ARB2A: variants seen among roughly 807,000 people sequenced by gnomAD.
ARB2A encodes the protein ARB2 cotranscriptional regulator A.
the ARB2A span, among the ~76,000 whole-genome samples, chr5:93,976,773 T>C: frequency 6.6e-6 from 1 of 152,164 alleles, no homozygotes; most frequent in Non-Finnish European, 1.5e-5. Flanking sequence ...AGTGTGAGAA[T>C]GGACTACTAC....
At chr5:93,660,607 G>A in the ARB2A span, among the ~76,000 whole-genome samples, 1 of 152,140 alleles carries the variant, frequency 6.6e-6, no homozygotes, top group African/African-American at 2.4e-5. Context: ...GATTTAGCAG[G>A]AACAAGAGTG....
the ARB2A span, among the ~76,000 whole-genome samples, chr5:93,889,935 T>C: frequency 6.6e-6 from 1 of 152,046 alleles, no homozygotes; most frequent in South Asian, 2.1e-4. Flanking sequence ...AAATAAGTTA[T>C]AGTATGAGAC....
At chr5:93,734,544 C>T in the ARB2A span, 1 of 152,280 alleles carries the variant, frequency 6.6e-6, no homozygotes, top group South Asian at 2.1e-4. Flanking sequence ...TCAGCATCTT[C>T]AGATTAAAAA....
At chr5:94,094,368 A>G in the ARB2A span, among the ~76,000 whole-genome samples, 1 of 152,164 alleles carries the variant, frequency 6.6e-6, no homozygotes, top group East Asian at 1.9e-4. Context: ...GTCTCTTCTT[A>G]CGAAGACACT....
At chr5:93,686,945 T>TA in the ARB2A span, among the ~76,000 whole-genome samples, 35 of 151,008 alleles carry the variant, frequency 2.3e-4, no homozygotes, top group Non-Finnish European at 3.4e-4. Context: ...GAGTGGAAAC[T>TA]AAAAAAAAAC....
the ARB2A span, among the ~76,000 whole-genome samples, chr5:93,938,859 A>T: frequency 6.6e-6 from 1 of 152,248 alleles, no homozygotes; most frequent in South Asian, 2.1e-4. Context: ...AGTTTTGATC[A>T]CAAACAACAC....
the ARB2A span, among the ~76,000 whole-genome samples, chr5:93,933,996 C>T: frequency 7.2e-5 from 11 of 151,934 alleles, no homozygotes; most frequent in African/African-American, 2.4e-4. Flanking sequence ...CAGAGCAAGA[C>T]TCTGTCTCAA....
the ARB2A span, chr5:93,959,080 A>G: frequency 1.5e-6 from 1 of 672,444 alleles, no homozygotes; most frequent in East Asian, 3.1e-5. Flanking sequence ...CTATAGAATT[A>G]TAGAAGTAAA....
At chr5:93,934,206 A>G in the ARB2A span, among the ~76,000 whole-genome samples, 3 of 152,216 alleles carry the variant, frequency 2.0e-5, no homozygotes, top group African/African-American at 7.2e-5. Flanking sequence ...GTTGAAAAAC[A>G]TAAGATTGTA....
At chr5:93,621,081 A>G in the ARB2A span, 2 of 1,611,950 alleles carry the variant, frequency 1.2e-6, no homozygotes, top group Non-Finnish European at 1.7e-6. Context: ...AAAGAATTTG[A>G]AAATAGACGG....
the ARB2A span, among the ~76,000 whole-genome samples, chr5:94,027,358 G>T: frequency 2.0e-5 from 3 of 152,170 alleles, no homozygotes; most frequent in Non-Finnish European, 4.4e-5. Flanking sequence ...AAAGACAAAG[G>T]CATGATTAGA....
chr5:93,658,770 G>T, the ARB2A span, among the ~76,000 whole-genome samples: 6 of 151,992 alleles, frequency 3.9e-5, no homozygotes, highest in African/African-American at 1.4e-4. Flanking sequence ...AAGTAAGGAA[G>T]CTCAAAGATA....
At chr5:93,804,656 A>G in the ARB2A span, among the ~76,000 whole-genome samples, 1 of 151,782 alleles carries the variant, frequency 6.6e-6, no homozygotes, top group African/African-American at 2.4e-5. Context: ...GCCAATATAT[A>G]TATTGTTCAT....
At chr5:94,094,201 T>C in the ARB2A span, among the ~76,000 whole-genome samples, 1 of 152,252 alleles carries the variant, frequency 6.6e-6, no homozygotes, top group African/African-American at 2.4e-5. Context: ...GATAAATTTA[T>C]TTTCTCACAG....
the ARB2A span, among the ~76,000 whole-genome samples, chr5:93,903,807 G>A: frequency 7.6e-3 from 1,150 of 151,654 alleles, 7 homozygotes; most frequent in Non-Finnish European, 0.012. Context: ...CCACAAAGCA[G>A]ATTTTTAAAA....
the ARB2A span, among the ~76,000 whole-genome samples, chr5:93,978,127 AGGCT>A: frequency 6.6e-6 from 1 of 152,210 alleles, no homozygotes; most frequent in Non-Finnish European, 1.5e-5. Flanking sequence ...GATGTTGGTG[AGGCT>A]GCAGAGGAAA....
chr5:93,682,367 A>G, the ARB2A span, among the ~76,000 whole-genome samples: 2 of 152,200 alleles, frequency 1.3e-5, no homozygotes, highest in Admixed American at 1.3e-4. Flanking sequence ...ATTTAACTTC[A>G]GATAACACAA....
chr5:94,072,781 C>T, the ARB2A span, among the ~76,000 whole-genome samples: 1 of 152,108 alleles, frequency 6.6e-6, no homozygotes, highest in Non-Finnish European at 1.5e-5. Context: ...ACAAGCATAT[C>T]TTCATTGCCA....
At chr5:94,108,931 C>T in the ARB2A span, among the ~76,000 whole-genome samples, 7 of 151,864 alleles carry the variant, frequency 4.6e-5, no homozygotes, top group Non-Finnish European at 7.4e-5. Flanking sequence ...GGAGAGATAT[C>T]GAAAAGAAAT....
Sources: gnomAD v4.1 joint callset for allele counts (sites outside exome capture counted in the v4.1 genomes callset) on GRCh38, gnomAD v4.1.1 for gene constraint, MANE v1.5 for transcripts, NCBI Gene and HGNC (gene_info 2026-07-23, HGNC 2026-07-21) for gene names.